MOSMO: variants seen among roughly 807,000 people sequenced by gnomAD.
MOSMO encodes modulator of smoothened.
Under a neutral mutation model 18.4 loss-of-function variants are expected in MOSMO, and 5 were observed. The observed-to-expected ratio is 0.27, with a 90% CI of 0.14 to 0.57. The LOEUF is 0.57. Ranked by LOEUF, MOSMO falls within the 20% of genes least tolerant of loss-of-function variation. The probability of loss-of-function intolerance (pLI) is 0.92; values close to 1 mark genes in which losing one functional copy is unlikely to be tolerated. For synonymous variants in MOSMO, 82 were observed against 82.3 expected (o/e 1.00, Z 0.02); for missense variants, 138 against 211.8 (o/e 0.65, Z 2.16).
intron 2 of MOSMO, 25 bp downstream of exon 2, chr16:22,075,724 T>G: frequency 6.6e-7 from 1 of 1,519,886 alleles, no homozygotes; most frequent in East Asian, 2.4e-5. Flanking sequence ...CTTACTAAAT[T>G]TGTCTAGAAG....
intron 1 of MOSMO, among the ~76,000 whole-genome samples, chr16:22,054,963 GTTT>G (rs777477970): frequency 6.9e-6 from 1 of 145,110 alleles, no homozygotes; most frequent in Non-Finnish European, 1.5e-5. Context: ...AAAGATAGGG[GTTT>G]TTTTTTTTTC....
At chr16:22,039,749 CTATG>C (rs566551517) in intron 1 of MOSMO, among the ~76,000 whole-genome samples, 169 of 152,300 alleles carry the variant, frequency 1.1e-3, no homozygotes, top group African/African-American at 3.9e-3. Context: ...GTGGTAGGAT[CTATG>C]TCTCAGCTGG....
At chr16:22,056,427 A>G (rs1454526202) in intron 1 of MOSMO, among the ~76,000 whole-genome samples, 3 of 136,404 alleles carry the variant, frequency 2.2e-5, no homozygotes, top group South Asian at 2.2e-4. Context: ...GCTGGAGTGC[A>G]ATGGCGCGAT....
chr16:22,045,529 A>G (rs1900290206), intron 1 of MOSMO, among the ~76,000 whole-genome samples: 1 of 152,216 alleles, frequency 6.6e-6, no homozygotes, highest in African/African-American at 2.4e-5. Context: ...CATTTCTTAA[A>G]AAGATTTCCT....
At chr16:22,074,650 A>G (rs1320509549) in intron 1 of MOSMO, among the ~76,000 whole-genome samples, 1 of 152,198 alleles carries the variant, frequency 6.6e-6, no homozygotes, top group Non-Finnish European at 1.5e-5. Flanking sequence ...CCCAAATTTG[A>G]TTGAGGGAGG....
intron 2 of MOSMO, among the ~76,000 whole-genome samples, chr16:22,077,393 T>A (rs1417293659): frequency 6.6e-6 from 1 of 152,172 alleles, no homozygotes; most frequent in Admixed American, 6.5e-5. Context: ...TTAAATAATT[T>A]AACTTTTTGA....
rs1049905801 is a variant in MOSMO, at chr16:22,081,171, C to T, written c.*291C>T. ...GTCAGGTCTGCACTGTGATAGCAAC[C>T]TAGAGAAGGAGAATGCTTTATACCG... On this transcript the variant is annotated 3_prime_UTR_variant, in exon 3 of 3. Coordinates refer to ENST00000542527, the MANE Select transcript of MOSMO (RefSeq NM_001164579.2). The T allele has an allele frequency of 1.8e-4, 31 of 172,536 alleles. No homozygotes were observed. The highest frequency in any genetic ancestry group is 7.1e-4 in the African/African-American group (30 of 42,516). 10.7% of individuals were successfully genotyped at this position (172,536 alleles called of 1,614,324 possible). A position where few individuals can be genotyped will look rare whatever the true frequency, so the allele number is the denominator to read the frequency against.
intron 1 of MOSMO, among the ~76,000 whole-genome samples, chr16:22,024,864 C>T: frequency 6.6e-6 from 1 of 152,098 alleles, no homozygotes; most frequent in African/African-American, 2.4e-5. Flanking sequence ...TCTACCTGTT[C>T]TGTCTGGACA....
At position 22,083,656 on chromosome 16, in the gene MOSMO, GTC is replaced by G. The variant is rs1567517425; in HGVS notation, c.*2778_*2779del. ...TGGTGCAATCATTTGTCAAACTTTT[GTC>G]TGTTTCATTGTTTTTAGAGTGTGTG... On this transcript the variant is annotated 3_prime_UTR_variant, in exon 3 of 3. Coordinates refer to ENST00000542527, the MANE Select transcript of MOSMO (RefSeq NM_001164579.2). The G allele has an allele frequency of 2.2e-6, 1 of 453,078 alleles. No homozygotes were observed. Among genetic ancestry groups the G allele is most frequent in the Non-Finnish European group, 4.4e-6 (1 of 226,072 alleles). 28.1% of individuals were successfully genotyped at this position (453,078 alleles called of 1,614,324 possible).
At chr16:22,075,385 G>C in intron 1 of MOSMO, 102 bp from the exon 2 acceptor site, 2 of 894,408 alleles carry the variant, frequency 2.2e-6, no homozygotes, top group Non-Finnish European at 3.6e-6. Flanking sequence ...AATGACCCAC[G>C]AAGAGATAAA....
At chr16:22,072,856 CT>C (rs2141776961) in intron 1 of MOSMO, among the ~76,000 whole-genome samples, 1 of 150,518 alleles carries the variant, frequency 6.6e-6, no homozygotes, top group African/African-American at 2.4e-5. Context: ...AGTATGCCTT[CT>C]GTTTGTCGAT....
In MOSMO at chr16:22,082,566, A is replaced by G. The variant is rs565255139; in HGVS notation, c.*1686A>G. 2 of 152,274 alleles carry G rather than the reference A, an allele frequency of 1.3e-5. No homozygotes were observed. The highest frequency in any genetic ancestry group is 2.4e-5 in the African/African-American group (1 of 41,560). The allele number at this position is 152,274 out of a possible 1,614,324, so 9.4% of individuals were successfully genotyped here. A position where few individuals can be genotyped will look rare whatever the true frequency, so the allele number is the denominator to read the frequency against. ...CTGTCAGTAGAGTCCCATGTGGCCC[A>G]TGCTTCACACAAGCAGAAATGAACG... On this transcript the variant is annotated 3_prime_UTR_variant, in exon 3 of 3. Transcript: ENST00000542527.
chr16:22,039,271 G>T (rs753043351), intron 1 of MOSMO, among the ~76,000 whole-genome samples: 1 of 152,104 alleles, frequency 6.6e-6, no homozygotes, highest in Admixed American at 6.5e-5. Context: ...AACATTATTT[G>T]TGACCCAATT....
At chr16:22,016,918 T>G (rs1899650133) in intron 1 of MOSMO, among the ~76,000 whole-genome samples, 1 of 152,182 alleles carries the variant, frequency 6.6e-6, no homozygotes, top group African/African-American at 2.4e-5. Flanking sequence ...TAAAGGAATT[T>G]AAGAGCTGGT....
At chr16:22,071,615 G>A (rs1418838537) in intron 1 of MOSMO, among the ~76,000 whole-genome samples, 2 of 152,206 alleles carry the variant, frequency 1.3e-5, no homozygotes, top group Non-Finnish European at 2.9e-5. Context: ...GTAAGACTCA[G>A]GATGACTTTC....
chr16:22,088,512 CA>C (rs1418187186), downstream of MOSMO, among the ~76,000 whole-genome samples: 1 of 152,194 alleles, frequency 6.6e-6, no homozygotes, highest in African/African-American at 2.4e-5. Context: ...AAAAACTTCT[CA>C]AATGTCATAA....
chr16:22,046,346 T>C (rs1297957116), intron 1 of MOSMO, among the ~76,000 whole-genome samples: 1 of 152,154 alleles, frequency 6.6e-6, no homozygotes, highest in Non-Finnish European at 1.5e-5. Context: ...TACTGGATCA[T>C]TGCCCCTGGG....
chr16:22,037,737 A>G (rs1409853357), intron 1 of MOSMO, among the ~76,000 whole-genome samples: 1 of 152,194 alleles, frequency 6.6e-6, no homozygotes, highest in African/African-American at 2.4e-5. Context: ...ATTATGAAGG[A>G]TACTACAAAG....
intron 1 of MOSMO, among the ~76,000 whole-genome samples, chr16:22,039,085 T>C (rs1238559929): frequency 6.6e-6 from 1 of 152,202 alleles, no homozygotes; most frequent in Non-Finnish European, 1.5e-5. Flanking sequence ...TAATCATCTA[T>C]TCAGGCAGAT....
Sources: gnomAD v4.1 joint callset for allele counts (sites outside exome capture counted in the v4.1 genomes callset) on GRCh38, gnomAD v4.1.1 for gene constraint, MANE v1.5 for transcripts, NCBI Gene and HGNC (gene_info 2026-07-23, HGNC 2026-07-21) for gene names.